The following ERCC6 variants were observed in gnomAD, a reference collection of about 807,000 sequenced individuals.
The protein encoded by ERCC6 is DNA excision repair protein ERCC-6.
A neutral mutation model predicts 158.7 loss-of-function variants in ERCC6; 116 were observed. That is an observed-to-expected ratio of 0.73 (90% CI 0.63 to 0.85). ERCC6 has a LOEUF of 0.85. Among genes scored for constraint, ERCC6 ranks in the 40% least tolerant of loss-of-function variants. The probability of loss-of-function intolerance (pLI) is 0.00; values close to 1 mark genes in which losing one functional copy is unlikely to be tolerated. For missense variants in ERCC6, 1,698 were observed against 1,799.4 expected (o/e 0.94, Z 1.02); for synonymous variants, 678 against 659.3 (o/e 1.03, Z -0.43).
chr10:49,478,253 C>T (rs1850912458), intron 11 of ERCC6, 101 bp downstream of exon 11: 2 of 905,162 alleles, frequency 2.2e-6, no homozygotes, highest in Admixed American at 3.4e-5. Flanking sequence ...GTTCCAGGAT[C>T]ATACCTCACC....
rs185101323 is a variant in ERCC6 at position 49,497,423 on chromosome 10, T to G, written c.1685+3115A>C. On this transcript the variant is annotated intron_variant, in intron 7 of 20. Coordinates refer to ENST00000355832, the MANE Select transcript of ERCC6 (RefSeq NM_000124.4). ...TTTTTTCAGGTTATACAGTATTTTTTTCTCTTTTATAATGTGCCTTCTGCA... is the reference window on the plus strand; with the variant it reads ...TTTTTTCAGGTTATACAGTATTTTTGTCTCTTTTATAATGTGCCTTCTGCA... 3.3e-5 allele frequency among the ~76,000 whole-genome samples: 5 copies of G among 152,372 alleles called. No homozygotes were observed. The East Asian group carries it at 9.6e-4, about 29-fold the overall frequency.
intron 18 of ERCC6, among the ~76,000 whole-genome samples, chr10:49,464,277 T>C (rs1414002620): frequency 6.6e-6 from 1 of 152,192 alleles, no homozygotes; most frequent in Non-Finnish European, 1.5e-5. Context: ...TAGAGATCTG[T>C]GGAACTTTGA....
At chr10:49,454,033 AAT>A (rs1850449692), downstream of ERCC6, among the ~76,000 whole-genome samples, 2 of 152,130 alleles carry the variant, frequency 1.3e-5, no homozygotes, top group Admixed American at 1.3e-4. Context: ...TGTATCTTTA[AAT>A]ATTTCCTTTT....
intron 1 of ERCC6, among the ~76,000 whole-genome samples, chr10:49,534,345 A>G (rs1322951768): frequency 6.6e-6 from 1 of 152,242 alleles, no homozygotes; most frequent in Non-Finnish European, 1.5e-5. Context: ...TTAAAGGCAC[A>G]TGACCTTTGT....
Position 49,524,966 on chromosome 10 carries a change from T to C in ERCC6, c.653-189A>G. 2.1e-6 allele frequency: 3 copies of C among 1,397,254 alleles called. No homozygotes were observed. The East Asian group carries it at 7.6e-5, about 35-fold the overall frequency. 86.6% of individuals were successfully genotyped at this position (1,397,254 alleles called of 1,614,324 possible). On this transcript the variant is annotated intron_variant, in intron 4 of 20. Transcript: ENST00000355832. Reference sequence around the variant, plus strand: ...TTATAGCATCATGCTATATTTAATATATTCCTGTTCAAAAAGACAACTTCT... The same window carrying C: ...TTATAGCATCATGCTATATTTAATACATTCCTGTTCAAAAAGACAACTTCT...
chr10:49,437,968 C>CA, the ERCC6 span, among the ~76,000 whole-genome samples: 1 of 152,330 alleles, frequency 6.6e-6, no homozygotes, highest in Non-Finnish European at 1.5e-5. Context: ...GGACTACTTG[C>CA]AATACCTAAT....
chr10:49,470,320 C>T lies in ERCC6; in HGVS notation c.3640G>A (p.Asp1214Asn). Residue 1214 changes from aspartate (D) to asparagine (N), a missense_variant, in exon 18 of 21, where the codon GAC becomes AAC. Asp to Asn is a conservative substitution (Grantham distance 23). Transcript: ENST00000355832. ...ATTCGAGTTCCTTCAAACTTGGCGT[C>T]TCTGCAATGCTTAGAGTTCTTAGGC... ...QKPKNSKHCRDAKFEGTRIPH... is the reference protein window; with the variant it reads ...QKPKNSKHCRNAKFEGTRIPH... 1.9e-6 allele frequency: 3 copies of T among 1,614,138 alleles called. No individual in the cohort carries two copies. The highest frequency in any genetic ancestry group is 2.5e-6 in the Non-Finnish European group (3 of 1,180,024).
intron 5 of ERCC6, among the ~76,000 whole-genome samples, chr10:49,521,476 G>A (rs1468537933): frequency 6.6e-5 from 10 of 152,190 alleles, no homozygotes; most frequent in Admixed American, 6.5e-4. Context: ...TTTTAAGAAA[G>A]CACTAGACCT....
Position 49,493,127 on chromosome 10 carries a change from G to A in ERCC6, c.1811C>T (p.Thr604Ile), listed in dbSNP as rs963168603. Residue 604 changes from threonine (T) to isoleucine (I), a missense_variant, in exon 8 of 21, where the codon ACC becomes ATC. Coordinates refer to ENST00000355832, the MANE Select transcript of ERCC6 (RefSeq NM_000124.4). The stretch of plus-strand genomic sequence containing the variant: ...GAAATATTGTGTTACCTTTTTGTGG[G>A]TATAGGAACCGGTTTCATGTAGAAT... Reference protein sequence around the residue: ...VAILHETGSYTHKKEKLIRDV... With the variant: ...VAILHETGSYIHKKEKLIRDV... The A allele has an allele frequency of 1.1e-5, 18 of 1,613,956 alleles. No homozygotes were observed. The highest frequency in any genetic ancestry group is 1.5e-5 in the Non-Finnish European group (18 of 1,179,996).
chr10:49,527,028 G>A (rs1485116474), intron 4 of ERCC6, among the ~76,000 whole-genome samples: 1 of 152,188 alleles, frequency 6.6e-6, no homozygotes, highest in Non-Finnish European at 1.5e-5. Context: ...GAAGTAGTCA[G>A]AGGGCTAAAA....
At chr10:49,478,278 G>A (rs1386123777) in intron 11 of ERCC6, 76 bp downstream of exon 11, 15 of 1,038,228 alleles carry the variant, frequency 1.4e-5, no homozygotes, top group South Asian at 2.5e-5. Context: ...TCTCTCATCC[G>A]CAGAGGAGAA....
At position 49,515,299 on chromosome 10, in the gene ERCC6, C is replaced by A. The variant is rs753191669; in HGVS notation, c.1397+8734G>T. On this transcript the variant is annotated intron_variant, in intron 5 of 20. Coordinates refer to ENST00000355832, the MANE Select transcript of ERCC6 (RefSeq NM_000124.4). ...GCTACACTGTACATAATGTATAAAACTATGTTTCTTATCTCAGGAGGTGGT... is the reference window on the plus strand; with the variant it reads ...GCTACACTGTACATAATGTATAAAAATATGTTTCTTATCTCAGGAGGTGGT... The A allele has an allele frequency of 2.5e-6, 4 of 1,573,058 alleles. No homozygotes were observed. The East Asian group carries it at 9.0e-5, about 35-fold the overall frequency.
At chr10:49,445,441 G>A in the ERCC6 span, among the ~76,000 whole-genome samples, 1 of 152,180 alleles carries the variant, frequency 6.6e-6, no homozygotes, top group Non-Finnish European at 1.5e-5. Flanking sequence ...ATGAGAACCA[G>A]TTGCTGAAGC....
the ERCC6 span, among the ~76,000 whole-genome samples, chr10:49,443,064 T>A: frequency 0.024 from 3,660 of 152,262 alleles, 160 homozygotes; most frequent in African/African-American, 0.082. Context: ...TGTGGCTTGG[T>A]GGGCAGGAAG....
intron 3 of ERCC6, among the ~76,000 whole-genome samples, chr10:49,529,012 C>G (rs1169403758): frequency 6.6e-6 from 1 of 152,178 alleles, no homozygotes; most frequent in Non-Finnish European, 1.5e-5. Context: ...TATGACTGTC[C>G]TTTTAGTATT....
intron 1 of ERCC6, among the ~76,000 whole-genome samples, chr10:49,537,258 C>T (rs1470956996): frequency 1.3e-5 from 2 of 150,930 alleles, no homozygotes; most frequent in South Asian, 2.1e-4. Flanking sequence ...GCAGGAGAAT[C>T]GCTTGAACCC....
At chr10:49,492,528 G>C (rs56105202) in intron 8 of ERCC6, among the ~76,000 whole-genome samples, 10 of 152,114 alleles carry the variant, frequency 6.6e-5, no homozygotes, top group Admixed American at 1.3e-4. Context: ...AGAATACAAC[G>C]TATCTATGCT....
At chr10:49,479,743 A>G (rs1372423657) in intron 10 of ERCC6, among the ~76,000 whole-genome samples, 1 of 152,178 alleles carries the variant, frequency 6.6e-6, no homozygotes, top group African/African-American at 2.4e-5. Context: ...GGTGCTGGTC[A>G]ACTAAACCAG....
At chr10:49,498,837 T>C (rs1291020934) in intron 7 of ERCC6, among the ~76,000 whole-genome samples, 1 of 152,030 alleles carries the variant, frequency 6.6e-6, no homozygotes, top group African/African-American at 2.4e-5. Flanking sequence ...AGTGTGATGA[T>C]AATAGGAAGG....
Sources: gnomAD v4.1 joint callset for allele counts (sites outside exome capture counted in the v4.1 genomes callset) on GRCh38, gnomAD v4.1.1 for gene constraint, MANE v1.5 for transcripts, NCBI Gene and HGNC (gene_info 2026-07-23, HGNC 2026-07-21) for gene names.